GSE1: variants seen among roughly 807,000 people sequenced by gnomAD.
The protein encoded by GSE1 is Gse1 coiled-coil protein.
Under a neutral mutation model 112.6 loss-of-function variants are expected in GSE1, and 32 were observed. The observed-to-expected ratio is 0.28, with a 90% confidence interval of 0.21 to 0.38. GSE1 has a LOEUF of 0.38. GSE1 is among the 10% of genes least tolerant of loss of function. The pLI is 1.00. For synonymous variants in GSE1, 1,115 were observed against 735.6 expected (o/e 1.52, Z -8.35); for missense variants, 2,348 against 1,699.2 (o/e 1.38, Z -6.71).
intron 2 of GSE1, among the ~76,000 whole-genome samples, chr16:85,501,792 C>T (rs996831638): frequency 4.6e-5 from 7 of 152,224 alleles, no homozygotes; most frequent in African/African-American, 9.6e-5. Context: ...AGAGGCTGCC[C>T]CTTGGCTGTG....
intron 2 of GSE1, among the ~76,000 whole-genome samples, chr16:85,488,350 CA>C (rs1283320965): frequency 1.3e-5 from 2 of 152,152 alleles, no homozygotes; most frequent in African/African-American, 2.4e-5. Context: ...GCTCAGAGTA[CA>C]AACAGAGGAT....
upstream of GSE1, among the ~76,000 whole-genome samples, chr16:85,554,323 G>A (rs1056725461): frequency 1.3e-5 from 2 of 152,120 alleles, no homozygotes; most frequent in Non-Finnish European, 2.9e-5. Context: ...GGCGGCGTGG[G>A]GAGGAGAGAT....
chr16:85,284,995 C>A (rs2151429212), intron 1 of GSE1: 1 of 152,368 alleles, frequency 6.6e-6, no homozygotes, highest in East Asian at 1.9e-4. Context: ...GTCATCGTTT[C>A]AGGCAAAACC....
chr16:85,410,006 C>CT (rs2048461377), intron 2 of GSE1, among the ~76,000 whole-genome samples: 1 of 42,906 alleles, frequency 2.3e-5, no homozygotes, highest in Non-Finnish European at 4.1e-5. Context: ...TCAGGCCCCC[C>CT]GGATAATCCT....
In GSE1 at chr16:85,291,091, C is replaced by G. The variant is rs536112343; in HGVS notation, c.2284-66372C>G. Among the ~76,000 whole-genome samples the G allele has an allele frequency of 1.5e-4, 23 of 152,346 alleles. 1 individual carries two copies. The South Asian group carries it at 4.1e-3, about 27-fold the overall frequency. On this transcript the variant is annotated intron_variant, in intron 1 of 2. Coordinates refer to the GSE1 transcript ENST00000637419. ...GTGACATCCAGCATTTCATGGAATCCTTACAGCAGCCCTGGGAGGTTGGCA... is the reference window on the plus strand; with the variant it reads ...GTGACATCCAGCATTTCATGGAATCGTTACAGCAGCCCTGGGAGGTTGGCA...
At chr16:85,228,186 G>A (rs1016712430) in intron 1 of GSE1, among the ~76,000 whole-genome samples, 1 of 152,260 alleles carries the variant, frequency 6.6e-6, no homozygotes, top group Non-Finnish European at 1.5e-5. Context: ...CGCCGGAGGA[G>A]CCCTGTCACT....
At chr16:85,522,691 G>A (rs1277684915) in intron 2 of GSE1, among the ~76,000 whole-genome samples, 1 of 152,186 alleles carries the variant, frequency 6.6e-6, no homozygotes, top group Admixed American at 6.5e-5. Flanking sequence ...GGGCGTGAGT[G>A]GGTGCTCGTG....
chr16:85,614,232 C>T (rs2048215687), intron 1 of GSE1, among the ~76,000 whole-genome samples: 2 of 152,132 alleles, frequency 1.3e-5, no homozygotes, highest in Non-Finnish European at 1.5e-5. Flanking sequence ...CCAGCCCTCC[C>T]GGGCCCTGCG....
At chr16:85,322,394 CTG>C (rs1206087733) in intron 1 of GSE1, among the ~76,000 whole-genome samples, 1 of 152,160 alleles carries the variant, frequency 6.6e-6, no homozygotes, top group Non-Finnish European at 1.5e-5. Context: ...ACTGGCCACA[CTG>C]TTTGCACTTT....
At chr16:85,410,940 A>G (rs866684143) in intron 2 of GSE1, among the ~76,000 whole-genome samples, 1,839 of 70,276 alleles carry the variant, frequency 0.026, 3 homozygotes, top group South Asian at 0.03. Flanking sequence ...CCTCACTGTT[A>G]CACTCAGGCC....
intron 1 of GSE1, among the ~76,000 whole-genome samples, chr16:85,621,381 T>C (rs531025220): frequency 8.6e-4 from 131 of 152,304 alleles, no homozygotes; most frequent in African/African-American, 3.1e-3. Context: ...CGTGCTGGGG[T>C]GTGCAGGGAG....
intron 2 of GSE1, among the ~76,000 whole-genome samples, chr16:85,370,350 C>A (rs1037412565): frequency 6.6e-6 from 1 of 152,186 alleles, no homozygotes; most frequent in African/African-American, 2.4e-5. Context: ...GCCTGCCCCT[C>A]AAGCAGCTAA....
At chr16:85,509,683 G>C (rs1395084080) in intron 2 of GSE1, among the ~76,000 whole-genome samples, 1 of 152,248 alleles carries the variant, frequency 6.6e-6, no homozygotes, top group Non-Finnish European at 1.5e-5. Flanking sequence ...AGAGCCGAAT[G>C]GCCATGCCGG....
At chr16:85,235,075 G>A (rs1904455059) in intron 1 of GSE1, among the ~76,000 whole-genome samples, 1 of 151,946 alleles carries the variant, frequency 6.6e-6, no homozygotes. Context: ...GGTGTTCCTG[G>A]GTGGGGTGAG....
chr16:85,380,602 C>T lies in GSE1; in HGVS notation c.2464+22959C>T, dbSNP rs544510094. ...CCCTCATGGTCGAGGTTTAGTGTGGCATCTCAGACGTTTGATCTGTGCTCT... is the reference window on the plus strand; with the variant it reads ...CCCTCATGGTCGAGGTTTAGTGTGGTATCTCAGACGTTTGATCTGTGCTCT... On this transcript the variant is annotated intron_variant, in intron 2 of 2. Coordinates refer to the GSE1 transcript ENST00000637419. Among the ~76,000 whole-genome samples, 4 of 152,270 alleles carry T rather than the reference C, an allele frequency of 2.6e-5. No homozygotes were observed. In the East Asian group the frequency reaches 7.7e-4, roughly 29 times the overall value.
chr16:85,659,285 C>G (rs1209121829), intron 8 of GSE1: 1 of 152,248 alleles, frequency 6.6e-6, no homozygotes. Flanking sequence ...TGGCCTCTGC[C>G]TCTTTCTTCC....
At chr16:85,463,158 A>T in intron 2 of GSE1, 2 of 969,870 alleles carry the variant, frequency 2.1e-6, no homozygotes, top group Non-Finnish European at 2.5e-6. Flanking sequence ...CGTGGACGGG[A>T]GGGTGGGGGG....
At chr16:85,348,869 C>T (rs536466972) in intron 1 of GSE1, among the ~76,000 whole-genome samples, 1 of 152,082 alleles carries the variant, frequency 6.6e-6, no homozygotes, top group African/African-American at 2.4e-5. Flanking sequence ...CTGTTGTCCT[C>T]CCTCCCTCCA....
chr16:85,438,299 TG>T (rs1333270707), intron 2 of GSE1, among the ~76,000 whole-genome samples: 25 of 152,064 alleles, frequency 1.6e-4, no homozygotes. Flanking sequence ...GGCCATGCGG[TG>T]GTGTCTTTCC....
Sources: allele counts gnomAD v4.1 joint callset (sites outside exome capture counted in the v4.1 genomes callset), GRCh38; gene constraint gnomAD v4.1.1; transcripts MANE v1.5; gene names NCBI Gene and HGNC (gene_info 2026-07-23, HGNC 2026-07-21).